THSD4: variants seen among roughly 807,000 people sequenced by gnomAD.
THSD4 encodes the protein thrombospondin type 1 domain containing 4, also known as thrombospondin type-1 domain-containing protein 4.
In THSD4, 69 loss-of-function variants were observed where a neutral mutation model predicts 119.0. The observed-to-expected ratio is 0.58, with a 90% confidence interval of 0.48 to 0.71. The LOEUF is 0.71. Among genes scored for constraint, THSD4 ranks in the 30% least tolerant of loss-of-function variants. THSD4 has a pLI of 0.00. For missense variants in THSD4, 1,393 were observed against 1,391.1 expected (o/e 1.00, Z -0.02); for synonymous variants, 524 against 540.4 (o/e 0.97, Z 0.42).
intron 15 of THSD4, among the ~76,000 whole-genome samples, chr15:71,763,968 G>A (rs867227327): frequency 6.6e-6 from 1 of 152,146 alleles, no homozygotes; most frequent in African/African-American, 2.4e-5. Context: ...TCTGGAGGCT[G>A]AGGTGGGATG....
intron 4 of THSD4, among the ~76,000 whole-genome samples, chr15:71,220,801 T>G (rs28538746): frequency 0.02 from 3,030 of 152,226 alleles, 109 homozygotes; most frequent in African/African-American, 0.07. Flanking sequence ...CTGGGAAGCA[T>G]AGACTGGGTG....
intron 6 of THSD4, among the ~76,000 whole-genome samples, chr15:71,368,622 G>A (rs1221993637): frequency 6.6e-6 from 1 of 152,098 alleles, no homozygotes; most frequent in Non-Finnish European, 1.5e-5. Flanking sequence ...TCTGAGGGCT[G>A]TGTTCTGTTC....
At chr15:71,442,695 T>TATATATATATATATATATATAC (rs2047126400) in intron 7 of THSD4, among the ~76,000 whole-genome samples, 1 of 118,442 alleles carries the variant, frequency 8.4e-6, no homozygotes, top group African/African-American at 3.1e-5. Context: ...TATATATATA[T>TATATATATATATATATATATAC]ATATATATGA....
At chr15:71,663,721 G>A (rs139894119) in intron 8 of THSD4, among the ~76,000 whole-genome samples, 17 of 152,094 alleles carry the variant, frequency 1.1e-4, no homozygotes, top group East Asian at 1.9e-4. Context: ...ACTCTTCGAC[G>A]GCTATTTTTT....
intron 3 of THSD4, among the ~76,000 whole-genome samples, chr15:71,173,194 C>T (rs1406593859): frequency 6.6e-6 from 1 of 151,792 alleles, no homozygotes; most frequent in South Asian, 2.1e-4. Flanking sequence ...ACAAGGTCAA[C>T]ATGCAAAAAT....
At chr15:71,412,468 G>A (rs956060062) in intron 7 of THSD4, among the ~76,000 whole-genome samples, 3 of 152,136 alleles carry the variant, frequency 2.0e-5, no homozygotes, top group African/African-American at 7.2e-5. Flanking sequence ...CACAAATTCC[G>A]TAGCTACATT....
intron 1 of THSD4, among the ~76,000 whole-genome samples, chr15:71,131,509 A>G (rs1278346674): frequency 1.3e-5 from 2 of 152,164 alleles, no homozygotes; most frequent in African/African-American, 4.8e-5. Context: ...TATGAGCCCT[A>G]TAGAAAAATG....
chr15:71,335,857 CA>C (rs1426741454), intron 6 of THSD4, among the ~76,000 whole-genome samples: 2 of 152,074 alleles, frequency 1.3e-5, no homozygotes, highest in African/African-American at 4.8e-5. Flanking sequence ...AATAAACCCA[CA>C]AAATCAAAGC....
rs74579694 is a variant in THSD4, at chr15:71,718,212, T to A, written c.1358-10337T>A. 1.1e-4 allele frequency among the ~76,000 whole-genome samples: 17 copies of A among 152,256 alleles called. No homozygotes were observed. The East Asian group carries it at 3.1e-3, about 28-fold the overall frequency. ...AGTAATGGGAGAACAATTTCTTTTT[T>A]TAGAGGAGGGAATTAGGAAGCAACT... On this transcript the variant is annotated intron_variant, in intron 8 of 17. Coordinates refer to ENST00000261862, the MANE Select transcript of THSD4 (RefSeq NM_024817.3).
intron 7 of THSD4, among the ~76,000 whole-genome samples, chr15:71,454,912 ACT>A (rs768166405): frequency 1.7e-4 from 26 of 152,050 alleles, no homozygotes; most frequent in Non-Finnish European, 2.8e-4. Context: ...AGGAATAAAC[ACT>A]CTCTCCTTCC....
chr15:71,396,596 A>G (rs1008102748), intron 6 of THSD4, among the ~76,000 whole-genome samples: 1 of 152,182 alleles, frequency 6.6e-6, no homozygotes, highest in Non-Finnish European at 1.5e-5. Flanking sequence ...TTTAACACAT[A>G]TATCCGCTCA....
intron 1 of THSD4, among the ~76,000 whole-genome samples, chr15:71,124,534 G>A (rs1312211195): frequency 6.6e-6 from 1 of 152,126 alleles, no homozygotes; most frequent in Admixed American, 6.5e-5. Flanking sequence ...ACATTCCAGT[G>A]CTCATAAGAA....
At chr15:71,230,469 C>T (rs1476932819) in intron 4 of THSD4, among the ~76,000 whole-genome samples, 1 of 152,240 alleles carries the variant, frequency 6.6e-6, no homozygotes, top group Non-Finnish European at 1.5e-5. Context: ...CGGTAACTAC[C>T]ATTTACAGAG....
intron 7 of THSD4, among the ~76,000 whole-genome samples, chr15:71,639,980 C>T (rs932256732): frequency 6.6e-6 from 1 of 151,946 alleles, no homozygotes; most frequent in Non-Finnish European, 1.5e-5. Context: ...TGACTTTTTT[C>T]AGTAAAGATA....
At chr15:71,546,701 C>T (rs571508909) in intron 7 of THSD4, among the ~76,000 whole-genome samples, 2 of 152,312 alleles carry the variant, frequency 1.3e-5, no homozygotes, top group African/African-American at 2.4e-5. Flanking sequence ...AGTTCCCATC[C>T]GTTTGTGTCT....
intron 3 of THSD4, chr15:71,188,888 G>C (rs151283060): frequency 1.3e-5 from 2 of 152,732 alleles, no homozygotes; most frequent in East Asian, 3.9e-4. Flanking sequence ...CTCGCCACAG[G>C]GTGTTTATCT....
chr15:71,657,565 C>T (rs2051216075), intron 7 of THSD4, among the ~76,000 whole-genome samples: 1 of 152,186 alleles, frequency 6.6e-6, no homozygotes, highest in Non-Finnish European at 1.5e-5. Flanking sequence ...TTGGTAACTC[C>T]ATGGGAACTC....
intron 7 of THSD4, among the ~76,000 whole-genome samples, chr15:71,479,580 C>T (rs2047699547): frequency 6.6e-6 from 1 of 151,974 alleles, no homozygotes; most frequent in South Asian, 2.1e-4. Context: ...TTTCATTAGT[C>T]GATGGAATAA....
intron 1 of THSD4, among the ~76,000 whole-genome samples, chr15:71,098,151 T>C (rs537450065): frequency 6.6e-6 from 1 of 151,630 alleles, no homozygotes; most frequent in East Asian, 1.9e-4. Context: ...ACAGTTCTTC[T>C]ATAACCTGAA....
Sources: allele counts gnomAD v4.1 joint callset (sites outside exome capture counted in the v4.1 genomes callset), GRCh38; gene constraint gnomAD v4.1.1; transcripts MANE v1.5; gene names NCBI Gene and HGNC (gene_info 2026-07-23, HGNC 2026-07-21).